The following ZNF829 variants were observed in gnomAD, a reference collection of about 807,000 sequenced individuals.
ZNF829 encodes the protein zinc finger protein 829.
Under a neutral mutation model 35.2 loss-of-function variants are expected in ZNF829, and 25 were observed. The observed-to-expected ratio is 0.71, with a 90% confidence interval of 0.52 to 0.99. ZNF829 has a LOEUF of 0.99. Ranked by LOEUF, ZNF829 falls within the 50% of genes least tolerant of loss-of-function variation. The probability of loss-of-function intolerance (pLI) is 0.00; values close to 1 mark genes in which losing one functional copy is unlikely to be tolerated. For missense variants in ZNF829, 417 were observed against 515.3 expected (o/e 0.81, Z 1.85); for synonymous variants, 136 against 163.2 (o/e 0.83, Z 1.27).
chr19:36,900,847 G>GAAAAAAAA (rs59848712), intron 5 of ZNF829, among the ~76,000 whole-genome samples: 3 of 88,956 alleles, frequency 3.4e-5, no homozygotes, highest in Admixed American at 1.3e-4. Context: ...GACTGTCTCA[G>GAAAAAAAA]AAAAAAAAAA....
chr19:36,897,541 A>C (rs1167927237), intron 5 of ZNF829, among the ~76,000 whole-genome samples: 1 of 152,150 alleles, frequency 6.6e-6, no homozygotes. Flanking sequence ...TTAGGCATTA[A>C]AAAACATAAC....
At chr19:36,905,200 T>A (rs1176995518) in intron 5 of ZNF829, among the ~76,000 whole-genome samples, 1 of 152,158 alleles carries the variant, frequency 6.6e-6, no homozygotes, top group Non-Finnish European at 1.5e-5. Context: ...GTAGAAATTA[T>A]TTACAGCAAT....
intron 5 of ZNF829, chr19:36,902,029 A>T (rs73626751): frequency 0.016 from 10,250 of 639,262 alleles, 298 homozygotes; most frequent in African/African-American, 0.098. Flanking sequence ...ATGGGGATGA[A>T]GATTCACCAA....
At chr19:36,902,099 GTCAATGTGGATGAGAACTAA>G (rs1444923952) in intron 5 of ZNF829, 1 of 406,940 alleles carries the variant, frequency 2.5e-6, no homozygotes, top group Non-Finnish European at 4.5e-6. Flanking sequence ...TCTACAGACA[GTCAATGTGGATGAGAACTAA>G]TCACTGATTG....
chr19:36,889,764 A>AT lies in ZNF829; in HGVS notation c.*1727dup, dbSNP rs1396048192. 24 of 151,504 alleles carry AT rather than the reference A, an allele frequency of 1.6e-4. No individual in the cohort carries two copies. The highest frequency in any genetic ancestry group is 5.8e-4 in the African/African-American group (24 of 41,200). The allele number at this position is 151,504 out of a possible 1,614,324, so 9.4% of individuals were successfully genotyped here. On this transcript the variant is annotated 3_prime_UTR_variant, in exon 6 of 6. Transcript: ENST00000391711. ...TTTGCATTCCTTTGTTCTCAGTCTCATTTTTGCCTGCTCTGATATTTGTTA... is the reference window on the plus strand; with the variant it reads ...TTTGCATTCCTTTGTTCTCAGTCTCATTTTTTGCCTGCTCTGATATTTGTTA...
chr19:36,898,380 G>C (rs985049451), intron 5 of ZNF829, among the ~76,000 whole-genome samples: 3 of 152,102 alleles, frequency 2.0e-5, no homozygotes, highest in Admixed American at 6.5e-5. Context: ...ATATTTGCAT[G>C]CTTATGCACT....
intron 3 of ZNF829, among the ~76,000 whole-genome samples, chr19:36,912,338 A>G (rs1447137590): frequency 1.3e-5 from 2 of 152,228 alleles, no homozygotes; most frequent in Admixed American, 1.3e-4. Context: ...GTTCTTATCC[A>G]GGGCAACAAA....
At position 36,890,963 on chromosome 19, in the gene ZNF829, T is replaced by C. The variant is rs776542167; in HGVS notation, c.*529A>G. The C allele has an allele frequency of 2.0e-5, 3 of 152,576 alleles. No individual in the cohort carries two copies. Among genetic ancestry groups the C allele is most frequent in the Non-Finnish European group, 2.9e-5 (2 of 68,346 alleles). The allele number at this position is 152,576 out of a possible 1,614,324, so 9.5% of individuals were successfully genotyped here. On this transcript the variant is annotated 3_prime_UTR_variant, in exon 6 of 6. Coordinates refer to ENST00000391711, the MANE Select transcript of ZNF829 (RefSeq NM_001037232.4). ...ACAGGGTATTATGGGTTGAACTGTA[T>C]CCCCTAAAAAGATATGCTGAAGTCC...
Position 36,890,132 on chromosome 19 carries a change from G to C in ZNF829, c.*1360C>G, listed in dbSNP as rs999813605. ...TCCACTATGGTCAGAGAAGATGTTA[G>C]ATATGATTTTGTTTTTTTAAAATTT... On this transcript the variant is annotated 3_prime_UTR_variant, in exon 6 of 6. Transcript: ENST00000391711. The C allele has an allele frequency of 6.6e-6, 1 of 152,146 alleles. No homozygotes were observed. Among genetic ancestry groups the C allele is most frequent in the African/African-American group, 2.4e-5 (1 of 41,432 alleles). 9.4% of individuals were successfully genotyped at this position (152,146 alleles called of 1,614,324 possible). A position where few individuals can be genotyped will look rare whatever the true frequency, so the allele number is the denominator to read the frequency against.
At chr19:36,904,932 T>A (rs1354436862) in intron 5 of ZNF829, among the ~76,000 whole-genome samples, 1 of 152,126 alleles carries the variant, frequency 6.6e-6, no homozygotes, top group Non-Finnish European at 1.5e-5. Context: ...GCAGCTAAGA[T>A]CAACTGATAG....
chr19:36,904,165 C>T (rs1469031572), intron 5 of ZNF829, among the ~76,000 whole-genome samples: 2 of 152,060 alleles, frequency 1.3e-5, no homozygotes, highest in Non-Finnish European at 2.9e-5. Context: ...GAATATATTG[C>T]TATAGGCAAG....
intron 5 of ZNF829, among the ~76,000 whole-genome samples, chr19:36,903,634 T>C (rs2073190458): frequency 6.6e-6 from 1 of 152,202 alleles, no homozygotes. Context: ...CTCAGACCTG[T>C]AATCCCAGCA....
At chr19:36,915,364 A>G in intron 1 of ZNF829, 113 bp from the exon 2 acceptor site, 1 of 1,324,768 alleles carries the variant, frequency 7.5e-7, no homozygotes, top group Non-Finnish European at 1.0e-6. Context: ...TGCACGTCTC[A>G]CCTGCCCACA....
chr19:36,891,566 C>G lies in ZNF829; in HGVS notation c.1225G>C (p.Asp409His). 6.2e-7 allele frequency: 1 copy of G among 1,612,522 alleles called. No homozygotes were observed. Among genetic ancestry groups the G allele is most frequent in the Non-Finnish European group, 8.5e-7 (1 of 1,179,272 alleles). ...QRIHTGEKPY[D>H]CKECGKAFGS... is the part of the protein sequence containing the mutation. ...AAAGCCTTTCCACATTCCTTACAGTCATAGGGTTTCTCACCAGTGTGAATT... is the reference window on the plus strand; with the variant it reads ...AAAGCCTTTCCACATTCCTTACAGTGATAGGGTTTCTCACCAGTGTGAATT... Residue 409 changes from aspartate to histidine, a missense_variant, in exon 6 of 6, where the codon GAC becomes CAC. By Grantham distance (81) the Asp-to-His change is moderately conservative. Coordinates refer to ENST00000391711, the MANE Select transcript of ZNF829 (RefSeq NM_001037232.4).
In ZNF829 at chr19:36,889,072, T is replaced by C. The variant is rs2073025701; in HGVS notation, c.*2420A>G. 6.6e-6 allele frequency: 1 copy of C among 152,206 alleles called. No individual in the cohort carries two copies. 9.4% of individuals were successfully genotyped at this position (152,206 alleles called of 1,614,324 possible). On this transcript the variant is annotated 3_prime_UTR_variant, in exon 6 of 6. Coordinates refer to ENST00000391711, the MANE Select transcript of ZNF829 (RefSeq NM_001037232.4). ...CAGGTGTGAGTGCCTGGCTTATTTT[T>C]AATTCTGTGTATGTGATGAATCATG...
intron 5 of ZNF829, among the ~76,000 whole-genome samples, chr19:36,893,876 T>C (rs1423121379): frequency 1.3e-5 from 2 of 152,184 alleles, no homozygotes; most frequent in Non-Finnish European, 2.9e-5. Flanking sequence ...CCTGGTGTGA[T>C]ATTTGGTCTC....
chr19:36,900,611 G>A (rs1260898593), intron 5 of ZNF829, among the ~76,000 whole-genome samples: 2 of 151,940 alleles, frequency 1.3e-5, no homozygotes, highest in African/African-American at 4.8e-5. Flanking sequence ...ACTTTGGAGG[G>A]CTGAGGCAGG....
intron 5 of ZNF829, chr19:36,901,711 A>T (rs1032916971): frequency 1.2e-5 from 5 of 427,182 alleles, no homozygotes; most frequent in Non-Finnish European, 2.2e-5. Flanking sequence ...CTTAAAAAAT[A>T]AACAAGTCTT....
chr19:36,896,741 T>A (rs2073117448), intron 5 of ZNF829, among the ~76,000 whole-genome samples: 1 of 152,242 alleles, frequency 6.6e-6, no homozygotes, highest in Non-Finnish European at 1.5e-5. Flanking sequence ...AAGTTATAAC[T>A]AATTTTTAAA....
Sources: gnomAD v4.1 joint callset for allele counts (sites outside exome capture counted in the v4.1 genomes callset) on GRCh38, gnomAD v4.1.1 for gene constraint, MANE v1.5 for transcripts, NCBI Gene and HGNC (gene_info 2026-07-23, HGNC 2026-07-21) for gene names.